The following NETO1 variants were observed in gnomAD, a reference collection of about 807,000 sequenced individuals.
The protein encoded by NETO1 is neuropilin and tolloid-like protein 1.
NETO1 carries 26 observed loss-of-function variants against 61.3 expected under a neutral mutation model. The ratio of observed to expected loss-of-function variants is 0.42; its 90% CI spans 0.31 to 0.59. The LOEUF is 0.59. Ranked by LOEUF, NETO1 falls within the 20% of genes least tolerant of loss-of-function variation. NETO1 has a pLI of 0.12. For synonymous variants in NETO1, 225 were observed against 225.8 expected (o/e 1.00, Z 0.03); for missense variants, 531 against 662.8 (o/e 0.80, Z 2.18).
At chr18:72,801,364 C>G (rs930917839) in intron 4 of NETO1, among the ~76,000 whole-genome samples, 2 of 152,118 alleles carry the variant, frequency 1.3e-5, no homozygotes, top group Non-Finnish European at 2.9e-5. Context: ...ATCCAAAGGT[C>G]ACTATTTTCA....
At position 72,864,963 on chromosome 18, in the gene NETO1, A is replaced by C; in HGVS notation, c.83-18T>G. On this transcript the variant is annotated intron_variant, in intron 2 of 10. Transcript: ENST00000327305. ...TTGCTTTTCTGTTAAAAAAAAAAAAAAGTTTTAAAAAGAGCCATCATCCAA... is the reference window on the plus strand; with the variant it reads ...TTGCTTTTCTGTTAAAAAAAAAAAACAGTTTTAAAAAGAGCCATCATCCAA... 1 of 1,564,760 alleles carries C rather than the reference A, an allele frequency of 6.4e-7. No homozygotes were observed. The highest frequency in any genetic ancestry group is 8.6e-7 in the Non-Finnish European group (1 of 1,162,354).
chr18:72,835,683 C>T (rs1303353399), intron 4 of NETO1, among the ~76,000 whole-genome samples: 2 of 152,156 alleles, frequency 1.3e-5, no homozygotes, highest in Admixed American at 1.3e-4. Flanking sequence ...AAAAGCATTA[C>T]CTTCTTGCAA....
At position 72,748,285 on chromosome 18, in the gene NETO1, G is replaced by A. The variant is rs1285991661; in HGVS notation, c.*15-121C>T. ...CACCTAGTTCAAGAATAGTTGATAGGCTTGAGGAGTTTAGAAGAGATTAGC... is the reference window on the plus strand; with the variant it reads ...CACCTAGTTCAAGAATAGTTGATAGACTTGAGGAGTTTAGAAGAGATTAGC... On this transcript the variant is annotated intron_variant, in intron 10 of 10. Transcript: ENST00000327305. 3.0e-6 allele frequency: 3 copies of A among 983,882 alleles called. No homozygotes were observed. The African/African-American group carries it at 5.2e-5, about 17-fold the overall frequency. The allele number at this position is 983,882 out of a possible 1,614,324, so 60.9% of individuals were successfully genotyped here.
Position 72,763,500 on chromosome 18 carries a change from C to T in NETO1, c.869-7353G>A, listed in dbSNP as rs148257657. Among the ~76,000 whole-genome samples, 461 of 152,188 alleles carry T rather than the reference C, an allele frequency of 3.0e-3. 1 individual carries two copies. The highest frequency in any genetic ancestry group is 0.01 in the Middle Eastern group (3 of 294). On this transcript the variant is annotated intron_variant, in intron 7 of 10. Transcript: ENST00000327305. The stretch of plus-strand genomic sequence containing the variant: ...TTTTAACTTCTTTAATTTTGAGCTT[C>T]GTCTAAAACACCCAGCTCTGTGCTG...
chr18:72,767,537 G>GAA (rs2145160725), intron 7 of NETO1, among the ~76,000 whole-genome samples: 1 of 152,224 alleles, frequency 6.6e-6, no homozygotes, highest in Non-Finnish European at 1.5e-5. Flanking sequence ...AATTACTTAA[G>GAA]AAAATTAACT....
chr18:72,850,850 C>T (rs2156494), intron 4 of NETO1, among the ~76,000 whole-genome samples: 147,864 of 152,236 alleles, frequency 0.97, 71,867 homozygotes, highest in East Asian at 1. Flanking sequence ...ATAGAGGTAA[C>T]CTTAGGACTG....
intron 4 of NETO1, among the ~76,000 whole-genome samples, chr18:72,831,925 A>G (rs2073594265): frequency 6.6e-6 from 1 of 152,108 alleles, no homozygotes; most frequent in Non-Finnish European, 1.5e-5. Context: ...CTTCAATATA[A>G]GTGTTGGTGT....
chr18:72,780,711 T>G (rs2071707549), intron 7 of NETO1, among the ~76,000 whole-genome samples: 1 of 152,210 alleles, frequency 6.6e-6, no homozygotes, highest in South Asian at 2.1e-4. Context: ...CGCTCAAAAG[T>G]TTCCCTATAA....
intron 4 of NETO1, among the ~76,000 whole-genome samples, chr18:72,815,006 G>A (rs1399310260): frequency 1.3e-5 from 2 of 152,058 alleles, no homozygotes; most frequent in Non-Finnish European, 2.9e-5. Context: ...CTTGTTTGGT[G>A]TTGCTAAAGC....
At chr18:72,839,982 C>T (rs929157163) in intron 4 of NETO1, among the ~76,000 whole-genome samples, 16 of 152,166 alleles carry the variant, frequency 1.1e-4, no homozygotes, top group Admixed American at 5.2e-4. Flanking sequence ...AGCTAAAGAA[C>T]GCTGCGATGC....
chr18:72,790,311 A>G (rs183353190), intron 6 of NETO1, among the ~76,000 whole-genome samples: 94 of 152,280 alleles, frequency 6.2e-4, no homozygotes, highest in Middle Eastern at 3.4e-3. Context: ...ATAAATATAA[A>G]CAAGTATTAT....
chr18:72,756,173 G>A (rs1160826475), intron 7 of NETO1, 26 bp from the exon 8 acceptor site: 17 of 1,171,082 alleles, frequency 1.5e-5, no homozygotes, highest in Non-Finnish European at 2.2e-5. Context: ...ACAAGACAAA[G>A]GAGGAAAGTT....
In NETO1 at chr18:72,772,792, GTTCTCT is replaced by G. The variant is rs1168545758; in HGVS notation, c.868+10880_868+10885del. Among the ~76,000 whole-genome samples the G allele has an allele frequency of 1.5e-3, 62 of 40,658 alleles. 3 individuals are homozygous for G. The highest frequency in any genetic ancestry group is 2.7e-3 in the South Asian group (2 of 732). 26.7% of individuals were successfully genotyped at this position (40,658 alleles called of 152,430 possible). A position where few individuals can be genotyped will look rare whatever the true frequency, so the allele number is the denominator to read the frequency against. ...ATATATATATACAGATCTCTATATAGTTCTCTCTCTCTCTCTCTCTCTCTCTCTCTC... is the reference window on the plus strand; with the variant it reads ...ATATATATATACAGATCTCTATATAGCTCTCTCTCTCTCTCTCTCTCTCTC... On this transcript the variant is annotated intron_variant, in intron 7 of 10. Coordinates refer to ENST00000327305, the MANE Select transcript of NETO1 (RefSeq NM_138966.5).
intron 6 of NETO1, among the ~76,000 whole-genome samples, chr18:72,793,251 A>G (rs763929766): frequency 2.6e-5 from 4 of 152,130 alleles, no homozygotes; most frequent in African/African-American, 4.8e-5. Context: ...TTTTTCTTAT[A>G]ACTTTGTAAC....
Position 72,867,722 on chromosome 18 carries a change from G to A in NETO1, c.-431C>T, listed in dbSNP as rs2074784361. ...ACGCCCCGAGCCGGGGCCGGGGCCG[G>A]GGAGAGGGCGCAGCGAGGTGGGGGC... On this transcript the variant is annotated 5_prime_UTR_variant, in exon 1 of 11. Coordinates refer to ENST00000327305, the MANE Select transcript of NETO1 (RefSeq NM_138966.5). The A allele has an allele frequency of 6.7e-6, 1 of 150,080 alleles. No individual in the cohort carries two copies. Among genetic ancestry groups the A allele is most frequent in the Non-Finnish European group, 1.5e-5 (1 of 67,122 alleles). 9.3% of individuals were successfully genotyped at this position (150,080 alleles called of 1,614,324 possible). A position where few individuals can be genotyped will look rare whatever the true frequency, so the allele number is the denominator to read the frequency against.
intron 4 of NETO1, among the ~76,000 whole-genome samples, chr18:72,806,166 G>A (rs1048804452): frequency 2.0e-5 from 3 of 152,080 alleles, no homozygotes; most frequent in African/African-American, 7.2e-5. Context: ...GATCATATTT[G>A]GGTTCAAGCA....
intron 4 of NETO1, among the ~76,000 whole-genome samples, chr18:72,817,769 C>T (rs544355712): frequency 9.8e-5 from 15 of 152,334 alleles, no homozygotes; most frequent in African/African-American, 3.4e-4. Flanking sequence ...ATTGTGACTT[C>T]TGTCTTGTTC....
In NETO1 at chr18:72,783,832, A is replaced by G; in HGVS notation, c.714T>C (p.Asp238=). ...TCAAATCCTCCACGGAACTGCTTCCATCATACACAGCCACAAAATTCCTCT... is the reference window on the plus strand; with the variant it reads ...TCAAATCCTCCACGGAACTGCTTCCGTCATACACAGCCACAAAATTCCTCT... The part of the protein sequence containing the change: ...ECKRNFVAVY[D]GSSSVEDLKA... The change falls in exon 7 of 11, where the codon GAT becomes GAC. Residue 238 remains aspartate, a synonymous_variant. Transcript: ENST00000327305. The G allele has an allele frequency of 6.2e-7, 1 of 1,614,218 alleles. No individual in the cohort carries two copies. The highest frequency in any genetic ancestry group is 2.2e-5 in the East Asian group (1 of 44,882).
intron 4 of NETO1, among the ~76,000 whole-genome samples, chr18:72,836,944 A>C (rs2073769437): frequency 6.6e-6 from 1 of 152,212 alleles, no homozygotes; most frequent in East Asian, 1.9e-4. Flanking sequence ...AATGGAGAAA[A>C]GGAAAAGCAC....
Sources: gnomAD v4.1 joint callset for allele counts (sites outside exome capture counted in the v4.1 genomes callset) on GRCh38, gnomAD v4.1.1 for gene constraint, MANE v1.5 for transcripts, NCBI Gene and HGNC (gene_info 2026-07-23, HGNC 2026-07-21) for gene names.